The following CROT variants were observed in gnomAD, a reference collection of about 807,000 sequenced individuals.
CROT encodes carnitine O-octanoyltransferase, also known as peroxisomal carnitine O-octanoyltransferase.
A neutral mutation model predicts 89.2 loss-of-function variants in CROT; 84 were observed. The observed-to-expected ratio is 0.94, with a 90% CI of 0.79 to 1.13. The LOEUF (loss-of-function observed/expected upper bound fraction) is 1.13, where lower values mean the gene tolerates loss of function less well. Among genes scored for constraint, CROT ranks in the 50% most tolerant of loss-of-function variants. The pLI, the probability that CROT is intolerant of heterozygous loss-of-function variation, is 0.00. For synonymous variants in CROT, 212 were observed against 239.5 expected, an observed-to-expected ratio of 0.89 and a Z score of 1.06; for missense variants, 711 against 727.8, an observed-to-expected ratio of 0.98 and a Z score of 0.27.
At chr7:87,346,158 A>G (rs952031067) in intron 1 of CROT, among the ~76,000 whole-genome samples, 182 bp from the exon 2 acceptor site, 3 of 152,080 alleles carry the variant, frequency 2.0e-5, no homozygotes, top group Non-Finnish European at 4.4e-5. Flanking sequence ...ACTTAATTGT[A>G]TGATCATTTA....
At chr7:87,389,006 A>G (rs1372173885) in intron 13 of CROT, among the ~76,000 whole-genome samples, 1 of 152,254 alleles carries the variant, frequency 6.6e-6, no homozygotes, top group Non-Finnish European at 1.5e-5. Flanking sequence ...TATGTGGCCA[A>G]CAAACAAATG....
chr7:87,373,464 C>T (rs1806704795), intron 7 of CROT, among the ~76,000 whole-genome samples: 1 of 151,588 alleles, frequency 6.6e-6, no homozygotes, highest in Non-Finnish European at 1.5e-5. Flanking sequence ...GTTACATGTG[C>T]TTTTGGAATT....
At chr7:87,360,003 T>G (rs755674294) in intron 4 of CROT, 253 of 982,188 alleles carry the variant, frequency 2.6e-4, no homozygotes, top group Non-Finnish European at 2.9e-4. Context: ...CTGATTTTTT[T>G]TGATGAACCA....
At position 87,395,827 on chromosome 7, in the gene CROT, C is replaced by T. The variant is rs576835180; in HGVS notation, c.1719-2697C>T. On this transcript the variant is annotated intron_variant, in intron 17 of 17. Coordinates refer to ENST00000331536, the MANE Select transcript of CROT (RefSeq NM_021151.4). ...CATGTCTCTAATTCAGGCTCTAGAT[C>T]GGGGGTTATAAGGACCTTTAAGGCT... Among the ~76,000 whole-genome samples, 7 of 152,072 alleles carry T rather than the reference C, an allele frequency of 4.6e-5. No individual in the cohort carries two copies. The South Asian group carries it at 1.2e-3, about 27-fold the overall frequency.
intron 13 of CROT, among the ~76,000 whole-genome samples, chr7:87,383,845 A>C (rs186218719): frequency 6.6e-6 from 1 of 152,198 alleles, no homozygotes; most frequent in Non-Finnish European, 1.5e-5. Flanking sequence ...TTGATTCTAT[A>C]TCTTGACTAT....
intron 10 of CROT, 54 bp from the exon 11 acceptor site, chr7:87,381,856 T>C (rs1335675894): frequency 3.0e-5 from 37 of 1,251,838 alleles, no homozygotes; most frequent in South Asian, 1.3e-5. Context: ...AAATATTGGG[T>C]CAAGTTTTAA....
chr7:87,351,308 C>CAA (rs11295263), intron 3 of CROT, among the ~76,000 whole-genome samples: 27 of 67,506 alleles, frequency 4.0e-4, no homozygotes, highest in Non-Finnish European at 4.3e-4. Context: ...GACTCCATCT[C>CAA]AAAAAAAAAA....
intron 6 of CROT, among the ~76,000 whole-genome samples, chr7:87,368,970 A>G (rs575989831): frequency 1.3e-5 from 2 of 152,350 alleles, no homozygotes; most frequent in South Asian, 2.1e-4. Flanking sequence ...TATTACTGCA[A>G]TTAAATTATC....
In CROT at chr7:87,349,175, T is replaced by TGGCTCACGCC; in HGVS notation, c.107_108insGGCTCACGCC (p.Glu37AlafsTer4). ...CTTGAAGAATCATTAAAAAAATACCTTGAATCAGGTATGTTAATAATCTTT... is the reference window on the plus strand; with the variant it reads ...CTTGAAGAATCATTAAAAAAATACCTGGCTCACGCCTGAATCAGGTATGTTAATAATCTTT... On this transcript the variant is annotated frameshift_variant, in exon 3 of 18. Transcript: ENST00000331536. LOFTEE classifies it high-confidence loss of function. 1 of 1,507,702 alleles carries TGGCTCACGCC rather than the reference T, an allele frequency of 6.6e-7. No individual in the cohort carries two copies. The highest frequency in any genetic ancestry group is 1.7e-5 in the Admixed American group (1 of 57,986). 93.4% of individuals were successfully genotyped at this position (1,507,702 alleles called of 1,614,324 possible). A position where few individuals can be genotyped will look rare whatever the true frequency, so the allele number is the denominator to read the frequency against.
intron 2 of CROT, 28 bp from the exon 3 acceptor site, chr7:87,349,020 T>A (rs1352935086): frequency 2.0e-6 from 2 of 982,232 alleles, no homozygotes; most frequent in Non-Finnish European, 3.2e-6. Context: ...GAGATTGAAG[T>A]TGTGAGGGCT....
At chr7:87,355,008 C>T (rs1366099813) in intron 3 of CROT, among the ~76,000 whole-genome samples, 33 of 152,148 alleles carry the variant, frequency 2.2e-4, no homozygotes, top group Non-Finnish European at 4.4e-5. Context: ...CCTAAATAAT[C>T]AGTCATTTTA....
chr7:87,356,705 T>A (rs1806083996), intron 3 of CROT, among the ~76,000 whole-genome samples: 1 of 152,104 alleles, frequency 6.6e-6, no homozygotes. Context: ...TGTAAAAGCA[T>A]CTGAGTCCTG....
At chr7:87,374,552 A>G (rs550018864) in intron 7 of CROT, among the ~76,000 whole-genome samples, 2 of 152,170 alleles carry the variant, frequency 1.3e-5, no homozygotes, top group South Asian at 4.1e-4. Flanking sequence ...AGCTTTACTT[A>G]TAATTGGAGC....
intron 17 of CROT, among the ~76,000 whole-genome samples, chr7:87,395,114 C>A (rs1193084985): frequency 6.6e-6 from 1 of 152,164 alleles, no homozygotes; most frequent in Non-Finnish European, 1.5e-5. Context: ...CACACGATCA[C>A]AAGGTCCCAC....
Position 87,359,718 on chromosome 7 carries a change from T to A in CROT, c.240+388T>A, listed in dbSNP as rs527638855. 140 of 1,017,512 alleles carry A rather than the reference T, an allele frequency of 1.4e-4. No individual in the cohort carries two copies. The Middle Eastern group carries it at 2.0e-3, about 14-fold the overall frequency. The allele number at this position is 1,017,512 out of a possible 1,614,324, so 63.0% of individuals were successfully genotyped here. On this transcript the variant is annotated intron_variant, in intron 4 of 17. Coordinates refer to ENST00000331536, the MANE Select transcript of CROT (RefSeq NM_021151.4). ...ATGTCACATAGGTGGCATAGAAATA[T>A]TTTCGTAGTACAATGGAGAAAGGGA...
At chr7:87,379,295 CT>C (rs1176848031) in intron 10 of CROT, among the ~76,000 whole-genome samples, 1 of 152,310 alleles carries the variant, frequency 6.6e-6, no homozygotes, top group Non-Finnish European at 1.5e-5. Flanking sequence ...CCTCTGACCA[CT>C]TTATTGACCT....
At chr7:87,363,273 T>C (rs2115848552) in intron 6 of CROT, among the ~76,000 whole-genome samples, 2 of 152,232 alleles carry the variant, frequency 1.3e-5, no homozygotes, top group South Asian at 4.2e-4. Flanking sequence ...TGAAGACATG[T>C]AGAGATAGGG....
chr7:87,389,216 G>A (rs1807278799), intron 13 of CROT, among the ~76,000 whole-genome samples: 1 of 152,176 alleles, frequency 6.6e-6, no homozygotes. Context: ...ACAGTGTGGC[G>A]ATTCCTCAAG....
At chr7:87,391,765 G>A in intron 14 of CROT, 53 bp downstream of exon 14, 2 of 1,563,846 alleles carry the variant, frequency 1.3e-6, no homozygotes, top group Non-Finnish European at 1.7e-6. Flanking sequence ...TGTTCTAAAG[G>A]AACCGTGGTC....
Sources: gnomAD v4.1 joint callset for allele counts (sites outside exome capture counted in the v4.1 genomes callset) on GRCh38, gnomAD v4.1.1 for gene constraint, MANE v1.5 for transcripts, NCBI Gene and HGNC (gene_info 2026-07-23, HGNC 2026-07-21) for gene names.